Variants in CDH13 observed in about 807,000 individuals in gnomAD.
The protein encoded by CDH13 is cadherin-13.
CDH13 carries 24 observed loss-of-function variants against 63.8 expected under a neutral mutation model. That is an observed-to-expected ratio of 0.38 (90% confidence interval 0.27 to 0.53). The LOEUF (loss-of-function observed/expected upper bound fraction) is 0.53. CDH13 is among the 20% of genes least tolerant of loss of function. CDH13 has a pLI of 0.85. For synonymous variants in CDH13, 503 were observed against 355.3 expected (o/e 1.42, Z -4.67); for missense variants, 1,049 against 903.1 (o/e 1.16, Z -2.07).
intron 8 of CDH13, among the ~76,000 whole-genome samples, chr16:83,612,107 G>C (rs530272628): frequency 1.4e-4 from 21 of 152,140 alleles, no homozygotes; most frequent in Admixed American, 7.2e-4. Context: ...CTGAAAGAGT[G>C]ATATGATATC....
At chr16:83,351,422 A>G (rs2090949174) in intron 6 of CDH13, among the ~76,000 whole-genome samples, 1 of 152,044 alleles carries the variant, frequency 6.6e-6, no homozygotes, top group Admixed American at 6.6e-5. Flanking sequence ...TAGTGAGTGC[A>G]GTTCTGGGGT....
intron 1 of CDH13, among the ~76,000 whole-genome samples, chr16:82,744,840 G>A (rs1019837459): frequency 6.6e-6 from 1 of 152,088 alleles, no homozygotes; most frequent in Non-Finnish European, 1.5e-5. Flanking sequence ...TTTGTACAAG[G>A]TGCAGAGCCT....
chr16:83,162,949 C>T (rs4450388), intron 4 of CDH13, among the ~76,000 whole-genome samples: 15,829 of 152,054 alleles, frequency 0.1, 958 homozygotes, highest in Middle Eastern at 0.21. Flanking sequence ...TGTGTCCCCA[C>T]GTAAATCTCA....
chr16:83,470,653 C>G (rs952174195), intron 6 of CDH13, among the ~76,000 whole-genome samples: 4 of 152,128 alleles, frequency 2.6e-5, no homozygotes, highest in Non-Finnish European at 5.9e-5. Flanking sequence ...ACCCCTTCTG[C>G]TGCTCCAAAT....
chr16:82,665,555 A>C (rs1454747938), intron 1 of CDH13, among the ~76,000 whole-genome samples: 1 of 152,010 alleles, frequency 6.6e-6, no homozygotes, highest in Non-Finnish European at 1.5e-5. Flanking sequence ...GTATGCAGAC[A>C]CTCCTTGATT....
intron 3 of CDH13, among the ~76,000 whole-genome samples, chr16:83,103,466 G>A (rs7195558): frequency 8.9e-4 from 132 of 148,862 alleles, no homozygotes; most frequent in Non-Finnish European, 1.4e-3. Flanking sequence ...GGCTGGTGTC[G>A]AACTCCTGAC....
At chr16:82,935,831 G>T (rs1421616993) in intron 2 of CDH13, among the ~76,000 whole-genome samples, 1 of 152,168 alleles carries the variant, frequency 6.6e-6, no homozygotes, top group Non-Finnish European at 1.5e-5. Context: ...AGGAGTTTAG[G>T]AGTGGAGGTT....
chr16:83,225,307 T>C (rs972130517), intron 5 of CDH13, among the ~76,000 whole-genome samples: 1 of 152,222 alleles, frequency 6.6e-6, no homozygotes, highest in Non-Finnish European at 1.5e-5. Context: ...GCCTCAACTG[T>C]GCTTATTTCT....
At chr16:82,764,142 G>T (rs544390935) in intron 1 of CDH13, among the ~76,000 whole-genome samples, 11 of 152,146 alleles carry the variant, frequency 7.2e-5, no homozygotes, top group Non-Finnish European at 1.3e-4. Context: ...CTACAAAGTA[G>T]GTGTTATTTG....
chr16:82,905,789 G>A (rs1279654338), intron 2 of CDH13, among the ~76,000 whole-genome samples: 1 of 152,120 alleles, frequency 6.6e-6, no homozygotes, highest in Non-Finnish European at 1.5e-5. Flanking sequence ...TTAGAATCCA[G>A]TGTGTATTTA....
chr16:83,173,989 C>G (rs1368547964), intron 4 of CDH13, among the ~76,000 whole-genome samples: 2 of 152,010 alleles, frequency 1.3e-5, no homozygotes, highest in South Asian at 2.1e-4. Context: ...AGAGATATGA[C>G]CAGACAATAA....
intron 2 of CDH13, among the ~76,000 whole-genome samples, chr16:82,986,487 A>T (rs1362957882): frequency 1.3e-5 from 2 of 152,146 alleles, no homozygotes; most frequent in African/African-American, 4.8e-5. Context: ...ACACTGCAAA[A>T]TTTCATTCCT....
intron 2 of CDH13, 59 bp from the exon 3 acceptor site, chr16:83,031,949 ATC>A (rs1916393435): frequency 7.8e-7 from 1 of 1,284,994 alleles, no homozygotes; most frequent in Admixed American, 2.0e-5. Flanking sequence ...GGTCAGAGAT[ATC>A]TCAGAGATAA....
chr16:83,787,163 GCGAC>G (rs1322122984), intron 13 of CDH13, among the ~76,000 whole-genome samples: 1 of 152,162 alleles, frequency 6.6e-6, no homozygotes, highest in African/African-American at 2.4e-5. Context: ...ATACCATTCT[GCGAC>G]TTACTTTTCT....
At chr16:83,031,043 C>G (rs954970476) in intron 2 of CDH13, among the ~76,000 whole-genome samples, 6 of 151,418 alleles carry the variant, frequency 4.0e-5, no homozygotes, top group Admixed American at 3.3e-4. Flanking sequence ...ATGTGGCCCA[C>G]TAGAATTCTA....
chr16:83,692,836 C>T (rs1905041612), intron 10 of CDH13, among the ~76,000 whole-genome samples: 1 of 152,190 alleles, frequency 6.6e-6, no homozygotes, highest in Admixed American at 6.5e-5. Context: ...GTAATCCTAG[C>T]ACTTTGGGAG....
intron 1 of CDH13, among the ~76,000 whole-genome samples, chr16:82,752,008 A>C (rs896634313): frequency 5.9e-5 from 9 of 152,244 alleles, no homozygotes; most frequent in Non-Finnish European, 8.8e-5. Flanking sequence ...ATGTCTAAGC[A>C]TCTGAATATT....
At chr16:83,568,453 T>C (rs950414454) in intron 7 of CDH13, among the ~76,000 whole-genome samples, 1 of 152,206 alleles carries the variant, frequency 6.6e-6, no homozygotes, top group African/African-American at 2.4e-5. Flanking sequence ...GCATAATGAA[T>C]GTCCGCACAT....
intron 4 of CDH13, among the ~76,000 whole-genome samples, chr16:83,147,532 C>T (rs79774953): frequency 0.15 from 22,546 of 152,234 alleles, 2,130 homozygotes; most frequent in Middle Eastern, 0.27. Flanking sequence ...CCTCCTTTCA[C>T]GACTATCTTA....
Sources: gnomAD v4.1 joint callset for allele counts (sites outside exome capture counted in the v4.1 genomes callset) on GRCh38, gnomAD v4.1.1 for gene constraint, MANE v1.5 for transcripts, NCBI Gene and HGNC (gene_info 2026-07-23, HGNC 2026-07-21) for gene names.